Variants in WDR33 observed in about 807,000 individuals in gnomAD.
The protein encoded by WDR33 is pre-mRNA 3' end processing protein WDR33.
A neutral mutation model predicts 164.9 loss-of-function variants in WDR33; 47 were observed. The observed-to-expected ratio is 0.29, with a 90% CI of 0.23 to 0.36. The LOEUF is 0.36. Among genes scored for constraint, WDR33 ranks in the 10% least tolerant of loss-of-function variants. The probability of loss-of-function intolerance (pLI) is 1.00; values close to 1 mark genes in which losing one functional copy is unlikely to be tolerated. For synonymous variants in WDR33, 505 were observed against 589.0 expected (o/e 0.86, Z 2.06); for missense variants, 1,137 against 1,754.1 (o/e 0.65, Z 6.28).
intron 4 of WDR33, among the ~76,000 whole-genome samples, chr2:127,766,000 C>A (rs1018349331): frequency 6.6e-6 from 1 of 152,056 alleles, no homozygotes; most frequent in African/African-American, 2.4e-5. Flanking sequence ...TTTAAGTGCA[C>A]CTTTTCTCTT....
In WDR33 at chr2:127,770,390, T is replaced by C. The variant is rs1687961818; in HGVS notation, c.204+388A>G. Among the ~76,000 whole-genome samples, 1 of 152,242 alleles carries C rather than the reference T, an allele frequency of 6.6e-6. No homozygotes were observed. Among genetic ancestry groups the C allele is most frequent in the South Asian group, 2.1e-4 (1 of 4,830 alleles). ...TTACTACACTACATCTAGAAAATCATCTTCTTTTAAATAACCAGGCCGGGC... is the reference window on the plus strand; with the variant it reads ...TTACTACACTACATCTAGAAAATCACCTTCTTTTAAATAACCAGGCCGGGC... On this transcript the variant is annotated intron_variant, in intron 2 of 21. Transcript: ENST00000322313. This position sits in a 1 kb window ranked among gnomAD's most constrained non-coding sequence, Gnocchi z 4.9.
At chr2:127,733,303 G>C (rs1686756714) in intron 7 of WDR33, among the ~76,000 whole-genome samples, 1 of 152,188 alleles carries the variant, frequency 6.6e-6, no homozygotes, top group Non-Finnish European at 1.5e-5. Flanking sequence ...GGACTGACAG[G>C]AGTCTATAGG....
Position 127,701,857 on chromosome 2 carries a change from T to G in WDR33, c.*4466A>C. The G allele has an allele frequency of 6.8e-7, 1 of 1,459,860 alleles. No homozygotes were observed. The highest frequency in any genetic ancestry group is 9.0e-7 in the Non-Finnish European group (1 of 1,111,144). The allele number at this position is 1,459,860 out of a possible 1,614,324, so 90.4% of individuals were successfully genotyped here. On this transcript the variant is annotated 3_prime_UTR_variant, in exon 22 of 22. Coordinates refer to ENST00000322313, the MANE Select transcript of WDR33 (RefSeq NM_018383.5). ...CTGCTGCGCGCGCGCAAGTTCGCGCTGCTCTGGTCACTGGGCTCGGCGCTG... is the reference window on the plus strand; with the variant it reads ...CTGCTGCGCGCGCGCAAGTTCGCGCGGCTCTGGTCACTGGGCTCGGCGCTG...
rs577320889 is a variant in WDR33, at chr2:127,701,591, GGCCGCGGAGCCGCTGCTC to G, written c.*4714_*4731del. On this transcript the variant is annotated 3_prime_UTR_variant, in exon 22 of 22. Coordinates refer to ENST00000322313, the MANE Select transcript of WDR33 (RefSeq NM_018383.5). ...CGCAGGGGAAAGCTGGCGGCCCGGC[GGCCGCGGAGCCGCTGCTC>G]GCCGCGGAGAAGGCGGAGGAGCCCG... 866 of 1,358,504 alleles carry G rather than the reference GGCCGCGGAGCCGCTGCTC, an allele frequency of 6.4e-4. 15 individuals are homozygous for G. In the South Asian group the frequency reaches 0.014, roughly 22 times the overall value. The allele number at this position is 1,358,504 out of a possible 1,614,324, so 84.2% of individuals were successfully genotyped here. A position where few individuals can be genotyped will look rare whatever the true frequency, so the allele number is the denominator to read the frequency against.
At chr2:127,771,259 C>T (rs1278620482) in intron 1 of WDR33, among the ~76,000 whole-genome samples, 1 of 152,208 alleles carries the variant, frequency 6.6e-6, no homozygotes, top group Non-Finnish European at 1.5e-5. Flanking sequence ...ATACAGCCTA[C>T]TACACACGTA....
rs1685939540 is a variant in WDR33 at position 127,703,397 on chromosome 2, A to T, written c.*2926T>A. The T allele has an allele frequency of 6.0e-6, 1 of 167,064 alleles. No homozygotes were observed. The highest frequency in any genetic ancestry group is 6.5e-5 in the Admixed American group (1 of 15,282). The allele number at this position is 167,064 out of a possible 1,614,324, so 10.3% of individuals were successfully genotyped here. A position where few individuals can be genotyped will look rare whatever the true frequency, so the allele number is the denominator to read the frequency against. The stretch of plus-strand genomic sequence containing the variant: ...CAATTTGAAAGTAATGCTTTTCCTG[A>T]GCTGGATCCCAGTGTTGCCTTAACA... On this transcript the variant is annotated 3_prime_UTR_variant, in exon 22 of 22. Transcript: ENST00000322313.
chr2:127,747,431 C>A (rs1687198402), intron 7 of WDR33, among the ~76,000 whole-genome samples: 1 of 150,458 alleles, frequency 6.6e-6, no homozygotes, highest in Non-Finnish European at 1.5e-5. Context: ...GCTACCGCTG[C>A]TCTACCGAAA....
In WDR33 at chr2:127,706,233, G is replaced by C. The variant is rs1019539271; in HGVS notation, c.*90C>G. ...CCAGAAAAGAGTTCAGGGCTACAATGGTGCAGGCTTCCTTTTGTTTCTCTT... is the reference window on the plus strand; with the variant it reads ...CCAGAAAAGAGTTCAGGGCTACAATCGTGCAGGCTTCCTTTTGTTTCTCTT... On this transcript the variant is annotated 3_prime_UTR_variant, in exon 22 of 22. Transcript: ENST00000322313. The surrounding 1 kb of genome is among the most constrained non-coding windows in gnomAD (Gnocchi z 5.1). The C allele has an allele frequency of 4.9e-6, 6 of 1,235,164 alleles. No individual in the cohort carries two copies. In the Admixed American group the frequency reaches 8.3e-5, roughly 17 times the overall value. 76.5% of individuals were successfully genotyped at this position (1,235,164 alleles called of 1,614,324 possible).
chr2:127,809,010 G>T (rs1479457036), intron 1 of WDR33, among the ~76,000 whole-genome samples: 1 of 136,630 alleles, frequency 7.3e-6, no homozygotes, highest in Non-Finnish European at 1.5e-5. Flanking sequence ...CAGCCTGGGC[G>T]ACAGAGCGAA....
chr2:127,781,999 TAA>T (rs764718254), intron 1 of WDR33, among the ~76,000 whole-genome samples: 38 of 90,138 alleles, frequency 4.2e-4, no homozygotes, highest in Admixed American at 3.7e-4. Flanking sequence ...ACTCTTTTTC[TAA>T]AAAAAAAAAA....
At position 127,768,077 on chromosome 2, in the gene WDR33, A is replaced by G. The variant is rs542200408; in HGVS notation, c.378+112T>C. 5.2e-5 allele frequency: 33 copies of G among 634,980 alleles called. 1 individual carries two copies. The South Asian group carries it at 1.4e-3, about 27-fold the overall frequency. The allele number at this position is 634,980 out of a possible 1,614,324, so 39.3% of individuals were successfully genotyped here. A position where few individuals can be genotyped will look rare whatever the true frequency, so the allele number is the denominator to read the frequency against. On this transcript the variant is annotated intron_variant, in intron 4 of 21. Coordinates refer to ENST00000322313, the MANE Select transcript of WDR33 (RefSeq NM_018383.5). Reference sequence around the variant, plus strand: ...TAAAATTACTAGCAATAAACCAATTATAAGCCCAGATATACTTTTAAAATA... The same window carrying G: ...TAAAATTACTAGCAATAAACCAATTGTAAGCCCAGATATACTTTTAAAATA...
Position 127,747,654 on chromosome 2 carries a change from C to G in WDR33, c.724+15408G>C, listed in dbSNP as rs180688932. 2.3e-3 allele frequency among the ~76,000 whole-genome samples: 346 copies of G among 152,240 alleles called. 1 individual carries two copies. The highest frequency in any genetic ancestry group is 4.5e-3 in the Admixed American group (69 of 15,284). On this transcript the variant is annotated intron_variant, in intron 7 of 21. Transcript: ENST00000322313. ...CTGCTTTTGCCTATAATGTATCCTG[C>G]TTGTCTAATGCTGGTTAACATGCCA... is the stretch of plus-strand genomic sequence containing the variant.
At chr2:127,742,424 A>C (rs1687043408) in intron 7 of WDR33, among the ~76,000 whole-genome samples, 1 of 151,470 alleles carries the variant, frequency 6.6e-6, no homozygotes, top group Non-Finnish European at 1.5e-5. Context: ...CTACCAAGGA[A>C]ACAGAGGTGG....
intron 7 of WDR33, among the ~76,000 whole-genome samples, chr2:127,732,529 A>G (rs1686738065): frequency 6.6e-6 from 1 of 152,066 alleles, no homozygotes; most frequent in South Asian, 2.1e-4. Context: ...CCTATGTTGG[A>G]CAGGCTGGTC....
Position 127,734,182 on chromosome 2 carries a change from A to C in WDR33, c.725-7405T>G, listed in dbSNP as rs527444247. ...GACTATTTAATAAGTAAACATATTG[A>C]TTCTGAAGACCAGAGTCTTGTTCGG... On this transcript the variant is annotated intron_variant, in intron 7 of 21. Coordinates refer to ENST00000322313, the MANE Select transcript of WDR33 (RefSeq NM_018383.5). Among the ~76,000 whole-genome samples the C allele has an allele frequency of 1.8e-3, 278 of 152,380 alleles. 3 individuals carry two copies. The highest frequency in any genetic ancestry group is 6.5e-3 in the African/African-American group (269 of 41,594).
At chr2:127,728,501 T>A (rs562079788) in intron 7 of WDR33, among the ~76,000 whole-genome samples, 2 of 152,216 alleles carry the variant, frequency 1.3e-5, no homozygotes, top group Non-Finnish European at 2.9e-5. Flanking sequence ...ATTTTTATAT[T>A]TTCTACAATG....
intron 7 of WDR33, among the ~76,000 whole-genome samples, chr2:127,761,416 G>A (rs1235038540): frequency 6.6e-6 from 1 of 152,102 alleles, no homozygotes; most frequent in Non-Finnish European, 1.5e-5. Flanking sequence ...TAGCCAGGAT[G>A]GTCTTGATCT....
At chr2:127,794,146 AAGAC>A (rs770340710) in intron 1 of WDR33, among the ~76,000 whole-genome samples, 9 of 150,436 alleles carry the variant, frequency 6.0e-5, no homozygotes, top group South Asian at 2.1e-4. Flanking sequence ...AGATCTTGTC[AAGAC>A]AGACAGACAG....
In WDR33 at chr2:127,717,971, C is replaced by A. The variant is rs1264927614; in HGVS notation, c.2761-708G>T. ...AACTTACAATAAATAATATTATACA[C>A]ACATACAACTGAGCAGTAAATTAAT... On this transcript the variant is annotated intron_variant, in intron 16 of 21. Transcript: ENST00000322313. This position sits in a 1 kb window ranked among gnomAD's most constrained non-coding sequence, Gnocchi z 5.6. 6.6e-6 allele frequency among the ~76,000 whole-genome samples: 1 copy of A among 152,062 alleles called. No individual in the cohort carries two copies. Among genetic ancestry groups the A allele is most frequent in the Admixed American group, 6.5e-5 (1 of 15,270 alleles).
Sources: gnomAD v4.1 joint callset for allele counts (sites outside exome capture counted in the v4.1 genomes callset) on GRCh38, gnomAD v4.1.1 for gene constraint, Gnocchi (gnomAD v3.1) non-coding constraint, MANE v1.5 for transcripts, NCBI Gene and HGNC (gene_info 2026-07-23, HGNC 2026-07-21) for gene names.